The following EPHA10 variants were observed in gnomAD, a reference collection of about 807,000 sequenced individuals.
The protein encoded by EPHA10 is EPH receptor A10.
A neutral mutation model predicts 109.7 loss-of-function variants in EPHA10; 120 were observed. The ratio of observed to expected loss-of-function variants is 1.09; its 90% confidence interval spans 0.94 to 1.27. The LOEUF (loss-of-function observed/expected upper bound fraction) is 1.27, where lower values mean the gene tolerates loss of function less well. EPHA10 is among the 50% of genes most tolerant of loss of function. The pLI is 0.00. For missense variants in EPHA10, 1,396 were observed against 1,411.1 expected, an observed-to-expected ratio of 0.99 and a Z score of 0.17; for synonymous variants, 640 against 618.9, an observed-to-expected ratio of 1.03 and a Z score of -0.51.
intron 5 of EPHA10, among the ~76,000 whole-genome samples, chr1:37,739,775 C>A (rs1256191262): frequency 6.8e-6 from 1 of 148,082 alleles, no homozygotes; most frequent in African/African-American, 2.5e-5. Context: ...TGACTGGATA[C>A]AGAATTTCAG....
At chr1:37,741,076 G>T (rs1646146011) in intron 5 of EPHA10, among the ~76,000 whole-genome samples, 1 of 152,144 alleles carries the variant, frequency 6.6e-6, no homozygotes, top group Admixed American at 6.5e-5. Context: ...TTTTCCAGTG[G>T]TTAGCCCACT....
chr1:37,753,111 C>A lies in EPHA10; in HGVS notation c.1122G>T (p.Ser374=). ...CGCGGCCGCAGCGCAGGCACAGCAG[C>A]GAGTAGGTGACGTCCGAGCGGCCTC... ...DSGGRSDVTY[S]LLCLRCGREG... The change falls in exon 5 of 17, where the codon TCG becomes TCT. Residue 374 remains serine, a synonymous_variant. Coordinates refer to ENST00000373048, the MANE Select transcript of EPHA10 (RefSeq NM_001099439.2). 1 of 1,390,538 alleles carries A rather than the reference C, an allele frequency of 7.2e-7. No homozygotes were observed. The highest frequency in any genetic ancestry group is 1.5e-5 in the South Asian group (1 of 65,812). The allele number at this position is 1,390,538 out of a possible 1,614,324, so 86.1% of individuals were successfully genotyped here. A position where few individuals can be genotyped will look rare whatever the true frequency, so the allele number is the denominator to read the frequency against.
chr1:37,722,128 C>A, intron 10 of EPHA10: 2 of 316,016 alleles, frequency 6.3e-6, no homozygotes, highest in Non-Finnish European at 1.2e-5. Context: ...AAGACTCGGT[C>A]TCAAAAAAAA....
chr1:37,735,336 G>A lies in EPHA10; in HGVS notation c.1412C>T (p.Ser471Phe). ...RRDRVEPQSVSLSWREPIPAG... is the reference protein window; with the variant it reads ...RRDRVEPQSVFLSWREPIPAG... ...AGGGATGGGCTCCCGCCACGACAGG[G>A]ACACGCTCTGGGGTTCCACTCGGTC... is the stretch of plus-strand genomic sequence containing the variant. Residue 471 changes from serine to phenylalanine, a missense_variant, in exon 6 of 17, where the codon TCC becomes TTC. By Grantham distance (155) the Ser-to-Phe change is radical. Coordinates refer to ENST00000373048, the MANE Select transcript of EPHA10 (RefSeq NM_001099439.2). The A allele has an allele frequency of 6.3e-7, 1 of 1,575,252 alleles. No homozygotes were observed. Among genetic ancestry groups the A allele is most frequent in the Middle Eastern group, 1.7e-4 (1 of 6,018 alleles).
intron 14 of EPHA10, 100 bp from the exon 15 acceptor site, chr1:37,719,707 C>A: frequency 7.0e-7 from 1 of 1,433,942 alleles, no homozygotes; most frequent in East Asian, 2.3e-5. Flanking sequence ...GACACACACA[C>A]ACACATGCGC....
chr1:37,743,210 T>C (rs1394450639), intron 5 of EPHA10, among the ~76,000 whole-genome samples: 2 of 151,948 alleles, frequency 1.3e-5, no homozygotes, highest in Non-Finnish European at 2.9e-5. Context: ...AATAAGAGAA[T>C]AGGAACATTA....
Position 37,720,792 on chromosome 1 carries a change from G to C in EPHA10, c.2199C>G (p.Gly733=). ...TEYMSHGALD[G]FLRRHEGQLV... is the part of the protein sequence containing the mutation. ...CCCCAGGGCCACTCACCCTGAGGAA[G>C]CCGTCCAGGGCCCCATGGCTCATGT... is the stretch of plus-strand genomic sequence containing the variant. The change falls in exon 12 of 17, where the codon GGC becomes GGG. Residue 733 remains glycine (G), a synonymous_variant. Coordinates refer to ENST00000373048, the MANE Select transcript of EPHA10 (RefSeq NM_001099439.2). 1 of 1,614,082 alleles carries C rather than the reference G, an allele frequency of 6.2e-7. No homozygotes were observed. The highest frequency in any genetic ancestry group is 8.5e-7 in the Non-Finnish European group (1 of 1,180,008).
intron 6 of EPHA10, among the ~76,000 whole-genome samples, chr1:37,731,794 G>C (rs987344485): frequency 6.6e-6 from 1 of 152,188 alleles, no homozygotes; most frequent in Admixed American, 6.5e-5. Context: ...ACCCACACTC[G>C]GTGGCACTTG....
rs561711280 is a variant in EPHA10, at chr1:37,727,193, C to T, written c.1681G>A (p.Asp561Asn). ...TLGEAASGSR[D>N]QSPAIVVTVV... ...GTGACGACAATGGCGGGGCTCTGGT[C>T]CCTGGACCCTGAGGCAGCTGGGAGG... The change falls in exon 8 of 17, where the codon GAC becomes AAC. Residue 561 changes from aspartate (D) to asparagine (N), a missense_variant. Coordinates refer to ENST00000373048, the MANE Select transcript of EPHA10 (RefSeq NM_001099439.2). 1 of 1,606,140 alleles carries T rather than the reference C, an allele frequency of 6.2e-7. No individual in the cohort carries two copies. Among genetic ancestry groups the T allele is most frequent in the South Asian group, 1.1e-5 (1 of 90,040 alleles).
chr1:37,743,271 A>T (rs576193469), intron 5 of EPHA10, among the ~76,000 whole-genome samples: 1 of 151,420 alleles, frequency 6.6e-6, no homozygotes, highest in South Asian at 2.1e-4. Context: ...AATATGATAG[A>T]GAGTAAGTAA....
intron 5 of EPHA10, among the ~76,000 whole-genome samples, chr1:37,748,189 T>C (rs548446344): frequency 7.2e-5 from 11 of 152,054 alleles, no homozygotes; most frequent in Non-Finnish European, 1.3e-4. Context: ...TGAAATCCCA[T>C]GTTTACTAAA....
intron 13 of EPHA10, 95 bp downstream of exon 13, chr1:37,720,256 G>A: frequency 1.4e-6 from 2 of 1,430,784 alleles, no homozygotes; most frequent in East Asian, 2.5e-5. Context: ...TGGGTGGAGG[G>A]GCAGGGAAAG....
intron 5 of EPHA10, among the ~76,000 whole-genome samples, chr1:37,741,879 T>G (rs1031297688): frequency 6.6e-6 from 1 of 151,760 alleles, no homozygotes; most frequent in Non-Finnish European, 1.5e-5. Context: ...TCAGCCAAAA[T>G]TCACTTTGAG....
At chr1:37,749,800 C>T (rs1365437751) in intron 5 of EPHA10, among the ~76,000 whole-genome samples, 7 of 152,248 alleles carry the variant, frequency 4.6e-5, no homozygotes, top group Non-Finnish European at 8.8e-5. Context: ...CATTGTTATA[C>T]AAACATCAGA....
chr1:37,755,090 G>A (rs1342868472), intron 3 of EPHA10, among the ~76,000 whole-genome samples: 2 of 152,190 alleles, frequency 1.3e-5, no homozygotes, highest in Non-Finnish European at 2.9e-5. Flanking sequence ...GTGAGCCACT[G>A]TGCCCGACCC....
rs1416652744 is a variant in EPHA10, at chr1:37,735,353, C to T, written c.1395G>A (p.Val465=). 5 of 1,577,258 alleles carry T rather than the reference C, an allele frequency of 3.2e-6. No individual in the cohort carries two copies. The Admixed American group carries it at 5.6e-5, about 18-fold the overall frequency. Residue 465 remains valine (V), a synonymous_variant, in exon 6 of 17, where the codon GTG becomes GTA. Coordinates refer to ENST00000373048, the MANE Select transcript of EPHA10 (RefSeq NM_001099439.2). ...ACGACAGGGACACGCTCTGGGGTTC[C>T]ACTCGGTCCCTGCGGATCTCATCCT... ...WEEDEIRRDR[V]EPQSVSLSWR...
rs146195879 is a variant in EPHA10 at position 37,756,032 on chromosome 1, C to T, written c.851-1662G>A. On this transcript the variant is annotated intron_variant, in intron 3 of 16. Transcript: ENST00000373048. ...TGGAAGGCATAGGTTTGAGAGGGTCCATCTTGCCCAGAGTTCTGGGCAGCA... is the reference window on the plus strand; with the variant it reads ...TGGAAGGCATAGGTTTGAGAGGGTCTATCTTGCCCAGAGTTCTGGGCAGCA... Among the ~76,000 whole-genome samples, 596 of 152,226 alleles carry T rather than the reference C, an allele frequency of 3.9e-3. 6 individuals are homozygous for T. The highest frequency in any genetic ancestry group is 0.013 in the African/African-American group (539 of 41,540).
chr1:37,760,297 T>C, intron 3 of EPHA10: 1 of 1,036,668 alleles, frequency 9.6e-7, no homozygotes, highest in Non-Finnish European at 1.2e-6. Flanking sequence ...CCTTGATCTT[T>C]CTATATTAAG....
At chr1:37,732,200 C>T (rs764239975) in intron 6 of EPHA10, among the ~76,000 whole-genome samples, 7 of 152,198 alleles carry the variant, frequency 4.6e-5, no homozygotes, top group Non-Finnish European at 1.0e-4. Context: ...AGACCCTTTG[C>T]CTCCTGTGAG....
Sources: allele counts gnomAD v4.1 joint callset (sites outside exome capture counted in the v4.1 genomes callset), GRCh38; gene constraint gnomAD v4.1.1; transcripts MANE v1.5; gene names NCBI Gene and HGNC (gene_info 2026-07-23, HGNC 2026-07-21).